The following CLEC16A variants were observed in gnomAD, a reference collection of about 807,000 sequenced individuals.
CLEC16A encodes C-type lectin domain containing 16A.
CLEC16A carries 51 observed loss-of-function variants against 109.5 expected under a neutral mutation model. The ratio of observed to expected loss-of-function variants is 0.47; its 90% confidence interval spans 0.37 to 0.59. The LOEUF is 0.59. CLEC16A is among the 20% of genes least tolerant of loss of function. The pLI is 0.00. For synonymous variants in CLEC16A, 673 were observed against 564.2 expected (o/e 1.19, Z -2.73); for missense variants, 1,339 against 1,394.0 (o/e 0.96, Z 0.63).
intron 18 of CLEC16A, among the ~76,000 whole-genome samples, chr16:11,055,185 G>A (rs368652827): frequency 6.6e-6 from 1 of 152,136 alleles, no homozygotes; most frequent in Non-Finnish European, 1.5e-5. Context: ...TTTTTACCTA[G>A]TGAGGTAAAG....
At chr16:10,947,984 C>T (rs2041490464) in intron 1 of CLEC16A, among the ~76,000 whole-genome samples, 1 of 152,102 alleles carries the variant, frequency 6.6e-6, no homozygotes, top group African/African-American at 2.4e-5. Context: ...AGCTCCGCCT[C>T]CCGGGTTCAC....
intron 13 of CLEC16A, among the ~76,000 whole-genome samples, chr16:11,036,357 G>C (rs1296519444): frequency 6.6e-6 from 1 of 151,444 alleles, no homozygotes; most frequent in Non-Finnish European, 1.5e-5. Context: ...GTCCCACCTT[G>C]GTTTGGCAAG....
At chr16:11,119,872 G>T (rs1297898642) in intron 19 of CLEC16A, among the ~76,000 whole-genome samples, 11 of 152,242 alleles carry the variant, frequency 7.2e-5, no homozygotes, top group African/African-American at 2.6e-4. Flanking sequence ...CATTTCTTCT[G>T]ATCCATGAGC....
chr16:11,058,261 A>G (rs371148625), intron 18 of CLEC16A, among the ~76,000 whole-genome samples: 130 of 152,314 alleles, frequency 8.5e-4, no homozygotes, highest in African/African-American at 3.1e-3. Context: ...AGATTTTATT[A>G]TACAGTCATC....
intron 19 of CLEC16A, among the ~76,000 whole-genome samples, chr16:11,061,638 A>G (rs986645221): frequency 6.6e-6 from 1 of 152,084 alleles, no homozygotes; most frequent in Non-Finnish European, 1.5e-5. Flanking sequence ...TCTTTCCTCC[A>G]TTTGCTACAG....
At chr16:11,095,180 A>G (rs2050534004) in intron 19 of CLEC16A, among the ~76,000 whole-genome samples, 2 of 152,000 alleles carry the variant, frequency 1.3e-5, no homozygotes, top group African/African-American at 4.8e-5. Flanking sequence ...AGCAGGAAAA[A>G]GTGGGCGGTA....
chr16:11,001,509 C>A (rs1412080410), intron 10 of CLEC16A, among the ~76,000 whole-genome samples: 1 of 152,214 alleles, frequency 6.6e-6, no homozygotes, highest in African/African-American at 2.4e-5. Context: ...AATTCTGACT[C>A]CAACTCAGTA....
intron 17 of CLEC16A, 40 bp from the exon 18 acceptor site, chr16:11,051,473 A>G (rs1236917772): frequency 6.3e-7 from 1 of 1,588,226 alleles, no homozygotes; most frequent in Admixed American, 1.7e-5. Context: ...CCTTCCAAGT[A>G]AGGAATCTGC....
At chr16:11,147,894 T>C (rs2054132514) in intron 22 of CLEC16A, among the ~76,000 whole-genome samples, 1 of 152,226 alleles carries the variant, frequency 6.6e-6, no homozygotes, top group Non-Finnish European at 1.5e-5. Flanking sequence ...CCGGAATAAT[T>C]TGGAAACCTT....
rs753233438 is a variant in CLEC16A, at chr16:11,051,603, A to G, written c.1957A>G (p.Lys653Glu). The G allele has an allele frequency of 6.2e-7, 1 of 1,614,026 alleles. No individual in the cohort carries two copies. The highest frequency in any genetic ancestry group is 1.1e-5 in the South Asian group (1 of 91,082). The change falls in exon 18 of 24, where the codon AAG (lysine) becomes GAG (glutamate). Residue 653 changes from lysine (K) to glutamate (E), a missense_variant. By Grantham distance (56) the Lys-to-Glu change is moderately conservative. Around this residue, in one of 3 missense-constraint regions of CLEC16A, gnomAD observed 1,061 missense variants for 1,006.8 expected, o/e 1.05. Coordinates refer to ENST00000409790, the MANE Select transcript of CLEC16A (RefSeq NM_015226.3). ...GCCACTGACGGGCATTGACTTCGTG[A>G]AGCGGCTGCCGTGTGGCGATGTGGA... The part of the protein sequence containing the change: ...GTPLTGIDFV[K>E]RLPCGDVEKT...
chr16:11,102,565 C>T (rs1334302161), intron 19 of CLEC16A, among the ~76,000 whole-genome samples: 1 of 152,220 alleles, frequency 6.6e-6, no homozygotes, highest in Non-Finnish European at 1.5e-5. Context: ...TTTAGACATT[C>T]TTTCCCATCA....
intron 19 of CLEC16A, among the ~76,000 whole-genome samples, chr16:11,063,618 A>G (rs2048608374): frequency 6.6e-6 from 1 of 152,028 alleles, no homozygotes; most frequent in South Asian, 2.1e-4. Context: ...CCCTTGTCAC[A>G]CTTCAGTAAG....
chr16:11,094,795 T>A (rs2050511960), intron 19 of CLEC16A, among the ~76,000 whole-genome samples: 1 of 152,238 alleles, frequency 6.6e-6, no homozygotes. Context: ...GAATTTTACG[T>A]GAATCACATT....
chr16:11,171,754 A>C lies in CLEC16A; in HGVS notation c.2806+5202A>C, dbSNP rs111313873. Among the ~76,000 whole-genome samples the C allele has an allele frequency of 4.5e-3, 688 of 152,370 alleles. 15 individuals are homozygous for C. Among genetic ancestry groups the C allele is most frequent in the Middle Eastern group, 0.017 (5 of 294 alleles). ...TCTTCTGGTATACCACTGTGCACCC[A>C]CACAGTGACACTTCTGCATACACAC... On this transcript the variant is annotated intron_variant, in intron 23 of 23. Transcript: ENST00000409790.
At chr16:10,967,132 T>C (rs1438669390) in intron 3 of CLEC16A, among the ~76,000 whole-genome samples, 1 of 152,074 alleles carries the variant, frequency 6.6e-6, no homozygotes, top group African/African-American at 2.4e-5. Flanking sequence ...CTGCTCAGAG[T>C]GCACAGTGGC....
At chr16:11,126,404 C>T (rs761777525) in intron 22 of CLEC16A, 99 of 1,427,960 alleles carry the variant, frequency 6.9e-5, no homozygotes, top group Non-Finnish European at 8.6e-5. Context: ...TCAGAATTGA[C>T]TAAGAATTTT....
chr16:11,172,405 C>G (rs927409304), intron 23 of CLEC16A, among the ~76,000 whole-genome samples: 3 of 152,206 alleles, frequency 2.0e-5, no homozygotes, highest in African/African-American at 7.2e-5. Context: ...ACAGTGAGTT[C>G]CTTAAATAGC....
At chr16:11,145,819 G>A (rs1051401751) in intron 22 of CLEC16A, among the ~76,000 whole-genome samples, 1 of 152,228 alleles carries the variant, frequency 6.6e-6, no homozygotes, top group African/African-American at 2.4e-5. Flanking sequence ...TCCTTTCAGG[G>A]TGTGAGTCGG....
intron 19 of CLEC16A, among the ~76,000 whole-genome samples, chr16:11,111,544 G>C (rs1292992415): frequency 2.0e-5 from 3 of 152,230 alleles, no homozygotes; most frequent in Non-Finnish European, 4.4e-5. Context: ...TGGGAGGAGA[G>C]TCAAAGTCAC....
Sources: gnomAD v4.1 joint callset for allele counts (sites outside exome capture counted in the v4.1 genomes callset) on GRCh38, gnomAD v4.1.1 for gene constraint, gnomAD v4.1.1 regional missense constraint, MANE v1.5 for transcripts, NCBI Gene and HGNC (gene_info 2026-07-23, HGNC 2026-07-21) for gene names.